HGSNAT: variants seen among roughly 807,000 people sequenced by gnomAD.
HGSNAT encodes the protein heparan-alpha-glucosaminide N-acetyltransferase.
A neutral mutation model predicts 85.2 loss-of-function variants in HGSNAT; 59 were observed. That is an observed-to-expected ratio of 0.69 (90% CI 0.56 to 0.86). The LOEUF is 0.86. Among genes scored for constraint, HGSNAT ranks in the 40% least tolerant of loss-of-function variants. The probability of loss-of-function intolerance (pLI) is 0.00; values close to 1 mark genes in which losing one functional copy is unlikely to be tolerated. For synonymous variants in HGSNAT, 321 were observed against 304.5 expected (o/e 1.05, Z -0.56); for missense variants, 756 against 777.1 (o/e 0.97, Z 0.32).
intron 5 of HGSNAT, among the ~76,000 whole-genome samples, chr8:43,167,181 A>G (rs961805165): frequency 2.0e-5 from 3 of 152,238 alleles, no homozygotes; most frequent in African/African-American, 4.8e-5. Context: ...TGAGATGACA[A>G]CAAAGGATTT....
Position 43,144,344 on chromosome 8 carries a change from T to A in HGSNAT, c.119-2604T>A, listed in dbSNP as rs868238185. Among the ~76,000 whole-genome samples, 156 of 148,586 alleles carry A rather than the reference T, an allele frequency of 1.0e-3. 1 individual carries two copies. Among genetic ancestry groups the A allele is most frequent in the Middle Eastern group, 3.4e-3 (1 of 290 alleles). The stretch of plus-strand genomic sequence containing the variant: ...TGTCTCAAAAAAAAAAAAAAAAAAA[T>A]TTTAACTGGATGTTCCCGATCCTGA... On this transcript the variant is annotated intron_variant, in intron 1 of 17. Transcript: ENST00000379644.
chr8:43,140,685 T>C (rs1802490505), intron 1 of HGSNAT, 71 bp downstream of exon 1: 2 of 711,912 alleles, frequency 2.8e-6, no homozygotes, highest in Non-Finnish European at 3.7e-6. Context: ...GCGCCGCCCC[T>C]ATCTCCGTGC....
At chr8:43,155,963 C>T (rs1044776632) in intron 2 of HGSNAT, among the ~76,000 whole-genome samples, 1 of 152,060 alleles carries the variant, frequency 6.6e-6, no homozygotes, top group African/African-American at 2.4e-5. Flanking sequence ...ATCTCAGCCT[C>T]CTGAGTAGCT....
intron 1 of HGSNAT, among the ~76,000 whole-genome samples, chr8:43,143,623 C>T (rs1276740217): frequency 1.3e-5 from 2 of 151,776 alleles, no homozygotes; most frequent in Non-Finnish European, 2.9e-5. Context: ...CTGCAAGCTC[C>T]GCCTCCTGGG....
chr8:43,149,365 C>T (rs1242973734), intron 2 of HGSNAT, among the ~76,000 whole-genome samples: 1 of 151,884 alleles, frequency 6.6e-6, no homozygotes, highest in Non-Finnish European at 1.5e-5. Context: ...AAAATTATGT[C>T]TAGACATAAA....
chr8:43,183,469 A>ATTTT (rs1328988702), intron 11 of HGSNAT, among the ~76,000 whole-genome samples: 1 of 128,452 alleles, frequency 7.8e-6, no homozygotes. Flanking sequence ...GCCTGGCCTC[A>ATTTT]TTTTTTTTTT....
intron 6 of HGSNAT, among the ~76,000 whole-genome samples, chr8:43,170,054 C>G (rs190252838): frequency 3.0e-4 from 45 of 152,206 alleles, no homozygotes; most frequent in East Asian, 1.9e-4. Flanking sequence ...CTCTTGGGCT[C>G]AAGAGATTTG....
chr8:43,170,719 G>C (rs1803599058), intron 7 of HGSNAT, 25 bp downstream of exon 7: 2 of 1,443,984 alleles, frequency 1.4e-6, no homozygotes, highest in Non-Finnish European at 1.9e-6. Context: ...CTGTAGCACA[G>C]TGGGTGCAGG....
chr8:43,156,512 A>C (rs1356897952), intron 2 of HGSNAT, among the ~76,000 whole-genome samples: 3 of 152,112 alleles, frequency 2.0e-5, no homozygotes, highest in Admixed American at 1.3e-4. Context: ...TTATTCAGGA[A>C]TATGTTGTTT....
intron 17 of HGSNAT, among the ~76,000 whole-genome samples, chr8:43,199,120 C>T (rs1285951061): frequency 3.3e-5 from 5 of 152,270 alleles, no homozygotes; most frequent in East Asian, 3.9e-4. Flanking sequence ...AGGCTGGTCT[C>T]GAACTCCTGG....
intron 5 of HGSNAT, among the ~76,000 whole-genome samples, chr8:43,164,949 A>G (rs549542289): frequency 4.0e-5 from 6 of 151,856 alleles, no homozygotes; most frequent in African/African-American, 9.7e-5. Context: ...GAACATACTC[A>G]ACGCTTATTG....
intron 10 of HGSNAT, among the ~76,000 whole-genome samples, chr8:43,180,100 C>CG (rs1167251229): frequency 4.2e-5 from 1 of 23,656 alleles, no homozygotes; most frequent in African/African-American, 8.6e-5. Flanking sequence ...GGCGGCTGGC[C>CG]GACCCCCCCC....
intron 4 of HGSNAT, 92 bp downstream of exon 4, chr8:43,159,136 C>A: frequency 7.4e-7 from 1 of 1,347,656 alleles, no homozygotes. Context: ...GTCCATGACG[C>A]TTTCTGTAGT....
chr8:43,158,720 C>G lies in HGSNAT; in HGVS notation c.371+9C>G. 1 of 1,594,338 alleles carries G rather than the reference C, an allele frequency of 6.3e-7. No individual in the cohort carries two copies. The highest frequency in any genetic ancestry group is 8.5e-7 in the Non-Finnish European group (1 of 1,170,224). ...GAGAAAGAAGTTTGTAGGTTTGTGC[C>G]TGCTTTGTTGTGATCTAAGTGAAGT... On this transcript the variant is annotated intron_variant, in intron 3 of 17. Coordinates refer to ENST00000379644, the MANE Select transcript of HGSNAT (RefSeq NM_152419.3).
chr8:43,194,046 T>A, intron 14 of HGSNAT: 1 of 1,258,930 alleles, frequency 7.9e-7, no homozygotes, highest in Middle Eastern at 3.0e-4. Context: ...ATAATTCTTA[T>A]ATTCTCAAAA....
At chr8:43,173,840 T>C in intron 9 of HGSNAT, 97 bp downstream of exon 9, 1 of 1,320,318 alleles carries the variant, frequency 7.6e-7, no homozygotes. Context: ...CGGGCATGTG[T>C]TATGTGGTTA....
chr8:43,176,518 T>A (rs1394345600), intron 9 of HGSNAT, among the ~76,000 whole-genome samples: 1 of 152,228 alleles, frequency 6.6e-6, no homozygotes, highest in Non-Finnish European at 1.5e-5. Context: ...AGGATAACTT[T>A]GGCTACGCTG....
chr8:43,188,962 G>T (rs1174517345), intron 11 of HGSNAT, among the ~76,000 whole-genome samples: 3 of 151,596 alleles, frequency 2.0e-5, no homozygotes, highest in East Asian at 1.9e-4. Context: ...GCTGCAGAAT[G>T]GCAAATGTTG....
intron 2 of HGSNAT, among the ~76,000 whole-genome samples, chr8:43,155,641 C>T (rs989516178): frequency 6.6e-6 from 1 of 152,068 alleles, no homozygotes; most frequent in African/African-American, 2.4e-5. Flanking sequence ...TACCTATGCA[C>T]CAGTGTCATG....
Sources: gnomAD v4.1 joint callset for allele counts (sites outside exome capture counted in the v4.1 genomes callset) on GRCh38, gnomAD v4.1.1 for gene constraint, MANE v1.5 for transcripts, NCBI Gene and HGNC (gene_info 2026-07-23, HGNC 2026-07-21) for gene names.